The following DNAJC24 variants were observed in gnomAD, a reference collection of about 807,000 sequenced individuals.
DNAJC24 encodes the protein DnaJ heat shock protein family (Hsp40) member C24.
In DNAJC24, 17 loss-of-function variants were observed where a neutral mutation model predicts 18.0. That is an observed-to-expected ratio of 0.94 (90% CI 0.65 to 1.42). DNAJC24 has a LOEUF of 1.42. Ranked by LOEUF, DNAJC24 falls within the 40% of genes most tolerant of loss-of-function variation. DNAJC24 has a pLI of 0.00. For synonymous variants in DNAJC24, 55 were observed against 57.7 expected (o/e 0.95, Z 0.21); for missense variants, 158 against 175.6 (o/e 0.90, Z 0.57).
chr11:31,389,345 A>C (rs902557035), intron 2 of DNAJC24, among the ~76,000 whole-genome samples: 6 of 152,270 alleles, frequency 3.9e-5, no homozygotes, highest in Admixed American at 2.6e-4. Flanking sequence ...CAAACAAAAA[A>C]AGAGTAAAAG....
intron 2 of DNAJC24, among the ~76,000 whole-genome samples, chr11:31,407,803 A>G (rs1249891552): frequency 1.3e-5 from 2 of 150,392 alleles, no homozygotes; most frequent in African/African-American, 2.4e-5. Flanking sequence ...ATAATTTTAC[A>G]TGCTTCATTT....
chr11:31,381,381 A>G (rs553678383), intron 2 of DNAJC24, among the ~76,000 whole-genome samples: 1 of 152,286 alleles, frequency 6.6e-6, no homozygotes, highest in South Asian at 2.1e-4. Context: ...TCTACAATTA[A>G]AGATCAAATA....
chr11:31,388,760 G>A (rs556293902), intron 2 of DNAJC24, among the ~76,000 whole-genome samples: 10 of 152,160 alleles, frequency 6.6e-5, no homozygotes, highest in Non-Finnish European at 1.2e-4. Context: ...ATCCTGAGAA[G>A]AGAGAGTAAA....
chr11:31,405,955 T>A (rs1952653558), intron 2 of DNAJC24, among the ~76,000 whole-genome samples: 1 of 152,178 alleles, frequency 6.6e-6, no homozygotes, highest in African/African-American at 2.4e-5. Flanking sequence ...TCCAGAAATA[T>A]AACATTAGTC....
chr11:31,388,755 G>T (rs1952457183), intron 2 of DNAJC24, among the ~76,000 whole-genome samples: 1 of 152,144 alleles, frequency 6.6e-6, no homozygotes. Flanking sequence ...CTTGTATCCT[G>T]AGAAGAGAGA....
chr11:31,422,476 G>C (rs1430139217), intron 3 of DNAJC24, among the ~76,000 whole-genome samples: 2 of 152,028 alleles, frequency 1.3e-5, no homozygotes, highest in Non-Finnish European at 2.9e-5. Flanking sequence ...TAATATCTTG[G>C]ATCTGTTCAT....
Position 31,430,502 on chromosome 11 carries a change from T to G in DNAJC24, c.*101T>G, listed in dbSNP as rs1952911179. On this transcript the variant is annotated 3_prime_UTR_variant, in exon 5 of 5. Coordinates refer to ENST00000465995, the MANE Select transcript of DNAJC24 (RefSeq NM_181706.5). ...GGAAATGGATTATTTGTCAGCCCGA[T>G]TATTTGCAAAGAAAATATACAATTA... 9.6e-7 allele frequency: 1 copy of G among 1,044,482 alleles called. No homozygotes were observed. The highest frequency in any genetic ancestry group is 1.6e-5 in the African/African-American group (1 of 61,866). 64.7% of individuals were successfully genotyped at this position (1,044,482 alleles called of 1,614,324 possible). A position where few individuals can be genotyped will look rare whatever the true frequency, so the allele number is the denominator to read the frequency against.
At chr11:31,371,455 C>T (rs1017263673) in intron 2 of DNAJC24, among the ~76,000 whole-genome samples, 2 of 152,164 alleles carry the variant, frequency 1.3e-5, no homozygotes, top group Non-Finnish European at 2.9e-5. Context: ...TCTAGCATTT[C>T]TACTGGCTCC....
intron 2 of DNAJC24, among the ~76,000 whole-genome samples, chr11:31,398,285 C>T (rs1952563687): frequency 1.3e-5 from 2 of 151,534 alleles, no homozygotes; most frequent in Admixed American, 1.3e-4. Context: ...AGTTGACTTT[C>T]TCTCATCATT....
chr11:31,429,034 C>A (rs1248811409), intron 4 of DNAJC24, among the ~76,000 whole-genome samples: 1 of 151,980 alleles, frequency 6.6e-6, no homozygotes. Flanking sequence ...GAATATGTAT[C>A]TTTTTAGACA....
At chr11:31,423,769 C>T (rs1952833749) in intron 3 of DNAJC24, among the ~76,000 whole-genome samples, 1 of 152,174 alleles carries the variant, frequency 6.6e-6, no homozygotes, top group Non-Finnish European at 1.5e-5. Context: ...GGTCAACATA[C>T]AGATGTTTAG....
intron 3 of DNAJC24, 118 bp downstream of exon 3, chr11:31,415,067 C>T: frequency 9.1e-7 from 1 of 1,095,212 alleles, no homozygotes; most frequent in Non-Finnish European, 1.3e-6. Flanking sequence ...GCCTTTATTC[C>T]TCCCCTCCAT....
At chr11:31,381,902 A>G (rs1952380847) in intron 2 of DNAJC24, among the ~76,000 whole-genome samples, 1 of 152,196 alleles carries the variant, frequency 6.6e-6, no homozygotes, top group Admixed American at 6.5e-5. Context: ...AATACAAAAT[A>G]TAATTCTTAC....
intron 2 of DNAJC24, among the ~76,000 whole-genome samples, chr11:31,403,125 A>ATGTGTGTG (rs3979423): frequency 0.031 from 4,598 of 146,642 alleles, 78 homozygotes; most frequent in Middle Eastern, 0.075. Flanking sequence ...GCATATATGC[A>ATGTGTGTG]TGTGTGTGTG....
chr11:31,391,605 A>G (rs950513087), intron 2 of DNAJC24, among the ~76,000 whole-genome samples: 1 of 152,208 alleles, frequency 6.6e-6, no homozygotes, highest in African/African-American at 2.4e-5. Flanking sequence ...AGACAATAAC[A>G]AATGCTGGCG....
At chr11:31,394,888 A>G (rs1454631428) in intron 2 of DNAJC24, among the ~76,000 whole-genome samples, 2 of 152,202 alleles carry the variant, frequency 1.3e-5, no homozygotes, top group Non-Finnish European at 2.9e-5. Context: ...AGAACAAACA[A>G]AAAGCTGTTT....
At chr11:31,418,719 C>T (rs1441119663) in intron 3 of DNAJC24, among the ~76,000 whole-genome samples, 1 of 152,036 alleles carries the variant, frequency 6.6e-6, no homozygotes. Flanking sequence ...CAGCGTGGCT[C>T]AGAGGAGGTT....
intron 2 of DNAJC24, among the ~76,000 whole-genome samples, chr11:31,385,599 G>C (rs1952420771): frequency 6.6e-6 from 1 of 152,128 alleles, no homozygotes; most frequent in East Asian, 1.9e-4. Context: ...ATCATTAAAA[G>C]ACTTGTTTCT....
chr11:31,422,598 A>G (rs778873048), intron 3 of DNAJC24, among the ~76,000 whole-genome samples: 12 of 152,178 alleles, frequency 7.9e-5, no homozygotes, highest in Non-Finnish European at 1.5e-4. Flanking sequence ...ACCTATTAAA[A>G]TGTTTTATTA....
Sources: gnomAD v4.1 joint callset for allele counts (sites outside exome capture counted in the v4.1 genomes callset) on GRCh38, gnomAD v4.1.1 for gene constraint, MANE v1.5 for transcripts, NCBI Gene and HGNC (gene_info 2026-07-23, HGNC 2026-07-21) for gene names.